Variants in ADGB observed in about 807,000 individuals in gnomAD.
ADGB encodes the protein androglobin.
ADGB carries 172 observed loss-of-function variants against 210.5 expected under a neutral mutation model. The observed-to-expected ratio is 0.82, with a 90% confidence interval of 0.72 to 0.93. The LOEUF is 0.93. Ranked by LOEUF, ADGB falls within the 40% of genes least tolerant of loss-of-function variation. The pLI is 0.00. For missense variants in ADGB, 2,025 were observed against 1,964.8 expected (o/e 1.03, Z -0.58); for synonymous variants, 658 against 662.7 (o/e 0.99, Z 0.11).
intron 3 of ADGB, 66 bp from the exon 4 acceptor site, chr6:146,654,067 CTA>C (rs1016205353): frequency 1.8e-6 from 2 of 1,119,102 alleles, no homozygotes; most frequent in African/African-American, 3.2e-5. Context: ...TGGATTAAAA[CTA>C]TTTCATTAAA....
chr6:146,805,355 T>C (rs1778195596), intron 35 of ADGB, among the ~76,000 whole-genome samples: 1 of 152,212 alleles, frequency 6.6e-6, no homozygotes, highest in East Asian at 1.9e-4. Flanking sequence ...GCATTTCTGT[T>C]GTCTAAACCC....
intron 34 of ADGB, 68 bp downstream of exon 34, chr6:146,801,347 T>A: frequency 3.0e-6 from 3 of 1,016,874 alleles, no homozygotes; most frequent in Non-Finnish European, 4.1e-6. Flanking sequence ...TTAAAATACT[T>A]AAATGTTTTC....
intron 35 of ADGB, among the ~76,000 whole-genome samples, chr6:146,810,948 A>C (rs1475139950): frequency 6.6e-6 from 1 of 152,210 alleles, no homozygotes; most frequent in Non-Finnish European, 1.5e-5. Flanking sequence ...GTACACATAT[A>C]TCAAACCATC....
chr6:146,710,759 A>G (rs951720261), intron 13 of ADGB, among the ~76,000 whole-genome samples: 8 of 152,156 alleles, frequency 5.3e-5, no homozygotes, highest in Admixed American at 1.3e-4. Context: ...CCAGAAGATA[A>G]TCATAAAAAA....
chr6:146,714,265 G>A (rs1464711221), intron 13 of ADGB, among the ~76,000 whole-genome samples: 1 of 151,956 alleles, frequency 6.6e-6, no homozygotes, highest in Non-Finnish European at 1.5e-5. Context: ...GGATAATTGA[G>A]GATGAGTGAG....
intron 1 of ADGB, chr6:146,600,197 G>A (rs893668543): frequency 2.0e-5 from 3 of 151,802 alleles, no homozygotes; most frequent in African/African-American, 7.3e-5. Context: ...TTAAATTTTA[G>A]ATATTACATA....
At chr6:146,786,293 G>A (rs1777873697) in intron 32 of ADGB, among the ~76,000 whole-genome samples, 1 of 151,206 alleles carries the variant, frequency 6.6e-6, no homozygotes, top group Admixed American at 6.6e-5. Flanking sequence ...CAGGGCCAGA[G>A]ACAGAATTGG....
intron 1 of ADGB, among the ~76,000 whole-genome samples, chr6:146,610,907 C>A (rs2114829610): frequency 6.6e-6 from 1 of 152,070 alleles, no homozygotes; most frequent in East Asian, 1.9e-4. Context: ...TTCACACATG[C>A]ACGCTGGCAT....
intron 33 of ADGB, among the ~76,000 whole-genome samples, chr6:146,797,697 T>C (rs1339248182): frequency 6.6e-6 from 1 of 152,056 alleles, no homozygotes; most frequent in Non-Finnish European, 1.5e-5. Context: ...TTCTCACTTA[T>C]AAGTGGGAGC....
At chr6:146,602,612 A>G (rs1780575782) in intron 1 of ADGB, among the ~76,000 whole-genome samples, 2 of 152,172 alleles carry the variant, frequency 1.3e-5, no homozygotes, top group African/African-American at 4.8e-5. Context: ...AGAAGTCAAC[A>G]AGCAGGGTGC....
intron 29 of ADGB, among the ~76,000 whole-genome samples, chr6:146,777,066 T>G (rs186771024): frequency 1.7e-4 from 26 of 151,810 alleles, no homozygotes; most frequent in Admixed American, 2.6e-4. Flanking sequence ...TCTGGTAGGG[T>G]GGTTTGTCCC....
At chr6:146,767,625 C>T (rs1777595903) in intron 28 of ADGB, among the ~76,000 whole-genome samples, 1 of 152,124 alleles carries the variant, frequency 6.6e-6, no homozygotes, top group African/African-American at 2.4e-5. Flanking sequence ...CATGCCCCCA[C>T]ACCCGGCTAA....
At chr6:146,809,367 G>A (rs184908486) in intron 35 of ADGB, among the ~76,000 whole-genome samples, 224 of 152,260 alleles carry the variant, frequency 1.5e-3, no homozygotes, top group African/African-American at 5.2e-3. Context: ...CACCACGCCC[G>A]GCTAATTTTG....
At chr6:146,691,500 ATTT>A (rs71031007) in intron 11 of ADGB, among the ~76,000 whole-genome samples, 7 of 13,636 alleles carry the variant, frequency 5.1e-4, no homozygotes, top group East Asian at 2.4e-3. Context: ...ATATATATAT[ATTT>A]TTTTTTTTTT....
At chr6:146,685,372 T>C (rs1776216573) in intron 9 of ADGB, among the ~76,000 whole-genome samples, 1 of 152,054 alleles carries the variant, frequency 6.6e-6, no homozygotes, top group Non-Finnish European at 1.5e-5. Flanking sequence ...AGATCCTATC[T>C]ATGAAAGAAA....
intron 13 of ADGB, among the ~76,000 whole-genome samples, 169 bp downstream of exon 13, chr6:146,701,239 T>C (rs949802794): frequency 1.3e-5 from 2 of 152,056 alleles, no homozygotes; most frequent in African/African-American, 4.8e-5. Flanking sequence ...GGTTAGAAAA[T>C]AGTCATCTGC....
chr6:146,813,269 C>CAA (rs35481695), intron 35 of ADGB, among the ~76,000 whole-genome samples: 46,517 of 151,876 alleles, frequency 0.31, 7,415 homozygotes, highest in East Asian at 0.54. Flanking sequence ...CTTACTTCTT[C>CAA]AGAGTGTTCT....
intron 29 of ADGB, among the ~76,000 whole-genome samples, chr6:146,775,930 T>C (rs941569664): frequency 1.4e-4 from 22 of 152,196 alleles, no homozygotes; most frequent in Middle Eastern, 3.4e-3. Context: ...ATATGTAAAT[T>C]TTCAAATTCC....
chr6:146,755,308 G>T (rs1165356010), intron 27 of ADGB, among the ~76,000 whole-genome samples: 1 of 151,952 alleles, frequency 6.6e-6, no homozygotes, highest in Non-Finnish European at 1.5e-5. Flanking sequence ...GACTGGCTTT[G>T]TGCCCCACCC....
Sources: allele counts gnomAD v4.1 joint callset (sites outside exome capture counted in the v4.1 genomes callset), GRCh38; gene constraint gnomAD v4.1.1; transcripts MANE v1.5; gene names NCBI Gene and HGNC (gene_info 2026-07-23, HGNC 2026-07-21).